Variants in NBEA observed in about 807,000 individuals in gnomAD.
NBEA encodes lysosomal-trafficking regulator 2.
Under a neutral mutation model 343.4 loss-of-function variants are expected in NBEA, and 44 were observed. The ratio of observed to expected loss-of-function variants is 0.13; its 90% CI spans 0.10 to 0.16. The LOEUF (loss-of-function observed/expected upper bound fraction) is 0.16, where lower values mean the gene tolerates loss of function less well. Among genes scored for constraint, NBEA ranks in the 10% least tolerant of loss-of-function variants. The pLI, the probability that NBEA is intolerant of heterozygous loss-of-function variation, is 1.00. For synonymous variants in NBEA, 1,175 were observed against 1,238.7 expected (o/e 0.95, Z 1.08); for missense variants, 2,555 against 3,631.3 (o/e 0.70, Z 7.62).
At chr13:35,042,862 A>T (rs1370945023) in intron 2 of NBEA, among the ~76,000 whole-genome samples, 1 of 151,776 alleles carries the variant, frequency 6.6e-6, no homozygotes, top group African/African-American at 2.4e-5. Flanking sequence ...CTAAAACACG[A>T]CTAACAGTTC....
chr13:35,099,155 G>A (rs1227298523), intron 11 of NBEA, among the ~76,000 whole-genome samples: 2 of 146,780 alleles, frequency 1.4e-5, no homozygotes, highest in South Asian at 2.2e-4. Flanking sequence ...TCAGCCTCCC[G>A]AGTGTCTGGG....
At chr13:35,297,427 GC>G (rs1168139348) in intron 35 of NBEA, among the ~76,000 whole-genome samples, 3 of 151,964 alleles carry the variant, frequency 2.0e-5, no homozygotes, top group Non-Finnish European at 4.4e-5. Context: ...ATTAGAATAA[GC>G]TGCATTTCTA....
intron 48 of NBEA, among the ~76,000 whole-genome samples, chr13:35,618,781 T>A (rs1374435971): frequency 6.6e-6 from 1 of 152,152 alleles, no homozygotes; most frequent in Non-Finnish European, 1.5e-5. Context: ...TCTGATAACA[T>A]TACCCTAATG....
At chr13:35,629,283 T>C (rs2083355874) in intron 49 of NBEA, among the ~76,000 whole-genome samples, 1 of 152,198 alleles carries the variant, frequency 6.6e-6, no homozygotes, top group South Asian at 2.1e-4. Flanking sequence ...CATTTCTGCA[T>C]CTCCAGCCAG....
chr13:35,623,909 TA>T (rs1207035008), intron 48 of NBEA, among the ~76,000 whole-genome samples: 2 of 152,148 alleles, frequency 1.3e-5, no homozygotes, highest in African/African-American at 4.8e-5. Flanking sequence ...GCTATCCAGC[TA>T]ATTTTATGAG....
chr13:35,351,426 C>CA (rs895303811), intron 37 of NBEA, among the ~76,000 whole-genome samples: 2 of 151,484 alleles, frequency 1.3e-5, no homozygotes, highest in African/African-American at 4.8e-5. Flanking sequence ...ATTTTTAATA[C>CA]AAAAAATGAT....
intron 31 of NBEA, among the ~76,000 whole-genome samples, chr13:35,208,345 T>C (rs1306895045): frequency 1.3e-5 from 2 of 152,206 alleles, no homozygotes; most frequent in African/African-American, 4.8e-5. Context: ...GGACATTTTT[T>C]ATGTATATTT....
intron 18 of NBEA, among the ~76,000 whole-genome samples, chr13:35,151,680 G>C (rs1193975773): frequency 6.6e-6 from 1 of 151,834 alleles, no homozygotes; most frequent in Non-Finnish European, 1.5e-5. Context: ...AATTATTTAT[G>C]TCTATAGTTT....
intron 36 of NBEA, among the ~76,000 whole-genome samples, chr13:35,311,320 T>A (rs552053038): frequency 4.6e-5 from 7 of 150,806 alleles, no homozygotes; most frequent in East Asian, 1.9e-4. Context: ...GAAGTAAAAA[T>A]ATATATATAT....
At chr13:35,150,832 G>GTAGAGTAGA (rs1368799528) in intron 18 of NBEA, among the ~76,000 whole-genome samples, 3 of 87,212 alleles carry the variant, frequency 3.4e-5, no homozygotes, top group African/African-American at 1.6e-4. Flanking sequence ...AGTAGAGTAG[G>GTAGAGTAGA]AGGCCAGGCA....
chr13:35,248,486 G>A (rs577050428), intron 34 of NBEA, among the ~76,000 whole-genome samples: 41 of 152,134 alleles, frequency 2.7e-4, no homozygotes, highest in Non-Finnish European at 4.1e-4. Flanking sequence ...TCACAGGACC[G>A]ATTTTAAAAC....
chr13:35,012,171 A>G (rs2061510969), intron 1 of NBEA, among the ~76,000 whole-genome samples: 1 of 152,242 alleles, frequency 6.6e-6, no homozygotes, highest in African/African-American at 2.4e-5. Context: ...TTATTGGCTC[A>G]CAGTTTTGGA....
chr13:35,117,449 C>T lies in NBEA; in HGVS notation c.2038C>T (p.Leu680=). The change falls in exon 14 of 59, where the codon CTG becomes TTG. Residue 680 remains leucine, a synonymous_variant. Transcript: ENST00000379939. The part of the protein sequence containing the change: ...PRPSQKEIIS[L]RAFMLLFLKQ... ...GCCATCACAAAAAGAAATTATATCA[C>T]TGAGGGCATTTATGCTACTTTTTCT... 7.2e-7 allele frequency: 1 copy of T among 1,383,570 alleles called. No homozygotes were observed. The highest frequency in any genetic ancestry group is 2.9e-5 in the East Asian group (1 of 34,930). 85.7% of individuals were successfully genotyped at this position (1,383,570 alleles called of 1,614,324 possible). A position where few individuals can be genotyped will look rare whatever the true frequency, so the allele number is the denominator to read the frequency against.
At chr13:35,168,020 A>G (rs568716264) in intron 24 of NBEA, among the ~76,000 whole-genome samples, 3 of 151,928 alleles carry the variant, frequency 2.0e-5, no homozygotes, top group African/African-American at 4.8e-5. Context: ...TGCTTTTTCT[A>G]TTCTGTCCAA....
chr13:35,471,600 C>G (rs1305899694), intron 40 of NBEA, among the ~76,000 whole-genome samples: 1 of 152,110 alleles, frequency 6.6e-6, no homozygotes, highest in Admixed American at 6.5e-5. Flanking sequence ...ACGCGTAATT[C>G]GTGATTTTCA....
intron 8 of NBEA, among the ~76,000 whole-genome samples, chr13:35,059,638 T>TTA (rs2063392996): frequency 6.6e-6 from 1 of 151,768 alleles, no homozygotes; most frequent in Admixed American, 6.6e-5. Flanking sequence ...GAACTCAATT[T>TTA]AAATAATTAA....
chr13:35,269,804 CAG>C (rs1315529111), intron 34 of NBEA, among the ~76,000 whole-genome samples: 1 of 151,910 alleles, frequency 6.6e-6, no homozygotes, highest in East Asian at 1.9e-4. Flanking sequence ...TGAAGATTGA[CAG>C]AGATAAGAGA....
At chr13:35,052,353 A>G (rs987960598) in intron 6 of NBEA, among the ~76,000 whole-genome samples, 1 of 152,006 alleles carries the variant, frequency 6.6e-6, no homozygotes, top group East Asian at 1.9e-4. Context: ...GTGAAAATGG[A>G]TATAAACCAT....
intron 34 of NBEA, among the ~76,000 whole-genome samples, chr13:35,279,773 A>G (rs1246528815): frequency 2.0e-5 from 3 of 152,068 alleles, no homozygotes; most frequent in East Asian, 1.9e-4. Context: ...AATTTTTCCC[A>G]TTACACATGC....
Sources: gnomAD v4.1 joint callset for allele counts (sites outside exome capture counted in the v4.1 genomes callset) on GRCh38, gnomAD v4.1.1 for gene constraint, MANE v1.5 for transcripts, NCBI Gene and HGNC (gene_info 2026-07-23, HGNC 2026-07-21) for gene names.